Variants in HDAC9 observed in about 807,000 individuals in gnomAD.
HDAC9 encodes the protein MEF-2 interacting transcription repressor (MITR) protein.
Under a neutral mutation model 139.4 loss-of-function variants are expected in HDAC9, and 41 were observed. The ratio of observed to expected loss-of-function variants is 0.29; its 90% CI spans 0.23 to 0.38. The LOEUF is 0.38. Ranked by LOEUF, HDAC9 falls within the 10% of genes least tolerant of loss-of-function variation. The pLI, the probability that HDAC9 is intolerant of heterozygous loss-of-function variation, is 1.00. For missense variants in HDAC9, 1,147 were observed against 1,297.0 expected (o/e 0.88, Z 1.78); for synonymous variants, 517 against 476.2 (o/e 1.09, Z -1.12).
rs1420548862 is a variant in HDAC9, at chr7:18,997,557, T to C, written c.*1495T>C. ...GTTTCTTTTTATATATTTTTCTAAC[T>C]CAAAGGATATATTAAAGCCATAAGT... is the stretch of plus-strand genomic sequence containing the variant. On this transcript the variant is annotated 3_prime_UTR_variant, in exon 26 of 26. Coordinates refer to ENST00000686413, the MANE Select transcript of HDAC9 (RefSeq NM_178425.4). 1 of 152,122 alleles carries C rather than the reference T, an allele frequency of 6.6e-6. No individual in the cohort carries two copies. Among genetic ancestry groups the C allele is most frequent in the Non-Finnish European group, 1.5e-5 (1 of 67,998 alleles). 9.4% of individuals were successfully genotyped at this position (152,122 alleles called of 1,614,324 possible).
chr7:18,240,563 A>G (rs558369702), intron 2 of HDAC9, among the ~76,000 whole-genome samples: 1 of 152,212 alleles, frequency 6.6e-6, no homozygotes, highest in South Asian at 2.1e-4. Context: ...TCGTCTCCTA[A>G]TTTATCTTTC....
At chr7:18,990,230 C>T (rs1464086774) in intron 25 of HDAC9, among the ~76,000 whole-genome samples, 1 of 152,124 alleles carries the variant, frequency 6.6e-6, no homozygotes, top group Non-Finnish European at 1.5e-5. Flanking sequence ...AGATGGGTTT[C>T]TGGTGTGGAT....
intron 12 of HDAC9, among the ~76,000 whole-genome samples, chr7:18,717,217 G>A (rs1474331531): frequency 6.6e-6 from 1 of 152,020 alleles, no homozygotes; most frequent in East Asian, 1.9e-4. Context: ...AAAACAGTGA[G>A]CGCATTCTGT....
At chr7:18,994,446 T>C (rs1453975996) in intron 25 of HDAC9, among the ~76,000 whole-genome samples, 1 of 152,228 alleles carries the variant, frequency 6.6e-6, no homozygotes, top group Non-Finnish European at 1.5e-5. Context: ...CTCATTTATC[T>C]TATGTACCAC....
At chr7:18,757,901 A>G (rs905327347) in intron 14 of HDAC9, among the ~76,000 whole-genome samples, 14 of 152,178 alleles carry the variant, frequency 9.2e-5, no homozygotes, top group Non-Finnish European at 1.9e-4. Flanking sequence ...GTGAGACTCA[A>G]TGATATGGTC....
At chr7:18,480,774 G>A (rs1423987432) in intron 1 of HDAC9, among the ~76,000 whole-genome samples, 1 of 152,082 alleles carries the variant, frequency 6.6e-6, no homozygotes, top group African/African-American at 2.4e-5. Context: ...CTAGTCATGG[G>A]GAACCAGAAG....
intron 2 of HDAC9, among the ~76,000 whole-genome samples, chr7:18,169,210 T>A (rs1562701136): frequency 6.6e-6 from 1 of 152,122 alleles, no homozygotes; most frequent in Non-Finnish European, 1.5e-5. Flanking sequence ...GTGCTGGGAT[T>A]ACAGGTATGT....
At chr7:18,218,542 G>A (rs1381726545) in intron 2 of HDAC9, among the ~76,000 whole-genome samples, 1 of 152,100 alleles carries the variant, frequency 6.6e-6, no homozygotes, top group Non-Finnish European at 1.5e-5. Flanking sequence ...TACAGTGTGG[G>A]GGATAATGAC....
intron 15 of HDAC9, among the ~76,000 whole-genome samples, chr7:18,766,064 G>T (rs1345726943): frequency 6.6e-6 from 1 of 152,136 alleles, no homozygotes; most frequent in Non-Finnish European, 1.5e-5. Flanking sequence ...TTTTACTGAC[G>T]TGGTGTATGA....
chr7:18,861,134 A>AT (rs1310660745), intron 21 of HDAC9, among the ~76,000 whole-genome samples: 1 of 152,170 alleles, frequency 6.6e-6, no homozygotes, highest in East Asian at 1.9e-4. Context: ...TTAAAGACAC[A>AT]TTTTTGGCAT....
intron 16 of HDAC9, among the ~76,000 whole-genome samples, chr7:18,783,349 G>T (rs557485723): frequency 4.6e-5 from 7 of 152,040 alleles, no homozygotes; most frequent in South Asian, 2.1e-4. Flanking sequence ...GTGGTAAGGG[G>T]CAAGGTTTTG....
chr7:18,983,262 G>A (rs1204660286), intron 25 of HDAC9, among the ~76,000 whole-genome samples: 6 of 152,102 alleles, frequency 3.9e-5, no homozygotes, highest in Non-Finnish European at 7.4e-5. Flanking sequence ...TCTCCATGTG[G>A]TAACATATGA....
chr7:18,790,637 A>G (rs1271187610), intron 16 of HDAC9, among the ~76,000 whole-genome samples: 3 of 152,226 alleles, frequency 2.0e-5, no homozygotes, highest in African/African-American at 4.8e-5. Context: ...CTATTTATGA[A>G]CAGATTATAT....
intron 1 of HDAC9, among the ~76,000 whole-genome samples, chr7:18,427,278 C>CT (rs1191696980): frequency 1.3e-5 from 2 of 152,112 alleles, no homozygotes; most frequent in East Asian, 1.9e-4. Flanking sequence ...ACAGCCTTAT[C>CT]TTTTTTGTGG....
chr7:18,474,722 T>C (rs1019114011), intron 1 of HDAC9, among the ~76,000 whole-genome samples: 1 of 152,044 alleles, frequency 6.6e-6, no homozygotes, highest in Admixed American at 6.6e-5. Flanking sequence ...GCATCAAACC[T>C]GAAAGTCAGA....
intron 23 of HDAC9, chr7:18,948,974 T>C (rs1185312604): frequency 5.1e-6 from 2 of 388,814 alleles, no homozygotes; most frequent in African/African-American, 2.1e-5. Flanking sequence ...CTTCACATAA[T>C]TGATGAAATT....
chr7:18,822,135 T>G (rs955061409), intron 17 of HDAC9, among the ~76,000 whole-genome samples: 2 of 152,160 alleles, frequency 1.3e-5, no homozygotes, highest in African/African-American at 4.8e-5. Flanking sequence ...CCCTTGATAA[T>G]CAACTCTACC....
intron 22 of HDAC9, among the ~76,000 whole-genome samples, chr7:18,921,995 G>A (rs936426609): frequency 6.9e-5 from 10 of 144,954 alleles, no homozygotes; most frequent in South Asian, 2.2e-4. Context: ...ACCAAACACC[G>A]CATATTCTCA....
intron 22 of HDAC9, among the ~76,000 whole-genome samples, chr7:18,924,918 G>A (rs913217423): frequency 2.0e-5 from 3 of 152,114 alleles, no homozygotes; most frequent in African/African-American, 7.2e-5. Context: ...AACCTGAGTT[G>A]AATTTTGGGA....
Sources: allele counts gnomAD v4.1 joint callset (sites outside exome capture counted in the v4.1 genomes callset), GRCh38; gene constraint gnomAD v4.1.1; transcripts MANE v1.5; gene names NCBI Gene and HGNC (gene_info 2026-07-23, HGNC 2026-07-21).